Variants in CCBE1 observed in about 807,000 individuals in gnomAD.
CCBE1 encodes the protein collagen and calcium binding EGF domains 1.
CCBE1 carries 37 observed loss-of-function variants against 50.0 expected under a neutral mutation model. The observed-to-expected ratio is 0.74, with a 90% CI of 0.57 to 0.97. The LOEUF is 0.97. Among genes scored for constraint, CCBE1 ranks in the 50% least tolerant of loss-of-function variants. The pLI is 0.00. For missense variants in CCBE1, 538 were observed against 523.8 expected, an observed-to-expected ratio of 1.03 and a Z score of -0.26; for synonymous variants, 234 against 203.7, an observed-to-expected ratio of 1.15 and a Z score of -1.27.
chr18:59,467,133 C>T (rs1396383530), intron 4 of CCBE1, among the ~76,000 whole-genome samples: 1 of 152,208 alleles, frequency 6.6e-6, no homozygotes, highest in Non-Finnish European at 1.5e-5. Context: ...GTGGCTCTGC[C>T]ACTCGCAAGT....
intron 2 of CCBE1, among the ~76,000 whole-genome samples, chr18:59,585,254 GTC>G (rs572199769): frequency 6.6e-6 from 1 of 151,938 alleles, no homozygotes; most frequent in African/African-American, 2.4e-5. Context: ...AGGTACCCAG[GTC>G]TCTCTGTTAC....
intron 2 of CCBE1, among the ~76,000 whole-genome samples, chr18:59,510,745 A>C (rs377210485): frequency 6.6e-6 from 1 of 152,172 alleles, no homozygotes; most frequent in African/African-American, 2.4e-5. Context: ...ACTTTCATAA[A>C]TGCTTCCTTA....
intron 2 of CCBE1, among the ~76,000 whole-genome samples, chr18:59,664,080 T>C (rs1306626826): frequency 6.6e-6 from 1 of 152,160 alleles, no homozygotes; most frequent in Non-Finnish European, 1.5e-5. Flanking sequence ...GCGATTAGGA[T>C]GCCAGCATGA....
Position 59,690,219 on chromosome 18 carries a change from G to A in CCBE1, c.212+6410C>T, listed in dbSNP as rs1322491732. On this transcript the variant is annotated intron_variant, in intron 2 of 10. Transcript: ENST00000439986. ...AGTATTCGTTGACTAAGTAAATGAA[G>A]CTTGTTCATAAGATTAAAATTAGTC... 2.6e-5 allele frequency among the ~76,000 whole-genome samples: 4 copies of A among 152,152 alleles called. No homozygotes were observed. In the East Asian group the frequency reaches 7.7e-4, roughly 29 times the overall value.
chr18:59,483,896 G>A (rs993548936), intron 2 of CCBE1, among the ~76,000 whole-genome samples: 1 of 152,134 alleles, frequency 6.6e-6, no homozygotes, highest in Admixed American at 6.6e-5. Context: ...AGATTAATTT[G>A]ACATTTTATG....
At chr18:59,593,053 A>T (rs146204025) in intron 2 of CCBE1, among the ~76,000 whole-genome samples, 3 of 152,312 alleles carry the variant, frequency 2.0e-5, no homozygotes, top group South Asian at 4.1e-4. Flanking sequence ...GATAGTGGTT[A>T]ATTTGGGAGA....
Position 59,436,137 on chromosome 18 carries a change from G to T in CCBE1, c.992C>A (p.Pro331His). The T allele has an allele frequency of 6.2e-7, 1 of 1,614,102 alleles. No homozygotes were observed. The highest frequency in any genetic ancestry group is 8.5e-7 in the Non-Finnish European group (1 of 1,179,994). Residue 331 changes from proline (P) to histidine (H), a missense_variant, in exon 11 of 11, where the codon CCC (proline) becomes CAC (histidine). Transcript: ENST00000439986. Reference sequence around the variant, plus strand: ...TAGCAGGAAGTCGAAAGAACCAGGGGGTCCCTGTGTACATGGGAGGAATCA... The same window carrying T: ...TAGCAGGAAGTCGAAAGAACCAGGGTGTCCCTGTGTACATGGGAGGAATCA... ...GAPGPRGSPG[P>H]PGSFDFLLLM...
chr18:59,495,071 G>A (rs1215804315), intron 2 of CCBE1, among the ~76,000 whole-genome samples: 1 of 150,666 alleles, frequency 6.6e-6, no homozygotes, highest in African/African-American at 2.4e-5. Context: ...AAACTGGGAG[G>A]CGAAGGTTGC....
intron 2 of CCBE1, among the ~76,000 whole-genome samples, chr18:59,571,482 T>A (rs1480220021): frequency 8.7e-5 from 1 of 11,522 alleles, no homozygotes; most frequent in Non-Finnish European, 1.6e-4. Context: ...TTTTGTGGAA[T>A]GGGGGGAGGG....
At chr18:59,658,409 AT>A (rs2054233503) in intron 2 of CCBE1, among the ~76,000 whole-genome samples, 2 of 67,190 alleles carry the variant, frequency 3.0e-5, no homozygotes, top group Non-Finnish European at 5.4e-5. Flanking sequence ...ATATATATAT[AT>A]ATATATAAAG....
At chr18:59,616,179 C>T (rs1368033528) in intron 2 of CCBE1, among the ~76,000 whole-genome samples, 1 of 152,142 alleles carries the variant, frequency 6.6e-6, no homozygotes, top group African/African-American at 2.4e-5. Context: ...CCTGTCAAAC[C>T]AGTGAGGGCT....
chr18:59,513,594 CAG>C (rs1054372437), intron 2 of CCBE1, among the ~76,000 whole-genome samples: 1 of 152,198 alleles, frequency 6.6e-6, no homozygotes, highest in Non-Finnish European at 1.5e-5. Context: ...TCAAGGAAGA[CAG>C]GGGTGATCTG....
intron 2 of CCBE1, among the ~76,000 whole-genome samples, chr18:59,537,923 T>C (rs1915317577): frequency 6.6e-6 from 1 of 152,222 alleles, no homozygotes; most frequent in African/African-American, 2.4e-5. Flanking sequence ...AGTGCTTATT[T>C]TCCAGGGGTA....
chr18:59,633,921 A>G (rs756081914), intron 2 of CCBE1, among the ~76,000 whole-genome samples: 1 of 152,206 alleles, frequency 6.6e-6, no homozygotes, highest in Non-Finnish European at 1.5e-5. Context: ...TTATAGATAC[A>G]TATGTGTTGA....
chr18:59,581,628 T>G (rs879561802), intron 2 of CCBE1, among the ~76,000 whole-genome samples: 2 of 152,076 alleles, frequency 1.3e-5, no homozygotes, highest in Non-Finnish European at 2.9e-5. Context: ...AAAAGAAGAA[T>G]AAAAGGGGGC....
chr18:59,615,852 GAAT>G (rs2053629926), intron 2 of CCBE1, among the ~76,000 whole-genome samples: 1 of 152,198 alleles, frequency 6.6e-6, no homozygotes, highest in African/African-American at 2.4e-5. Flanking sequence ...GAGAAGGAAA[GAAT>G]AAGAAGGTTG....
intron 2 of CCBE1, 62 bp downstream of exon 2, chr18:59,696,567 G>A (rs770813248): frequency 5.3e-5 from 85 of 1,607,038 alleles, no homozygotes; most frequent in Non-Finnish European, 7.0e-5. Flanking sequence ...CCTTTACAGC[G>A]CCGCCTCCCC....
chr18:59,479,165 C>T (rs897961654), intron 3 of CCBE1, among the ~76,000 whole-genome samples: 2 of 152,230 alleles, frequency 1.3e-5, no homozygotes, highest in Non-Finnish European at 2.9e-5. Flanking sequence ...AACTGTTTCA[C>T]ATTCCCCACC....
At chr18:59,606,549 T>C (rs1195682444) in intron 2 of CCBE1, among the ~76,000 whole-genome samples, 1 of 152,194 alleles carries the variant, frequency 6.6e-6, no homozygotes, top group African/African-American at 2.4e-5. Context: ...CGTATGTGAC[T>C]CCCTGCATCT....
Sources: gnomAD v4.1 joint callset for allele counts (sites outside exome capture counted in the v4.1 genomes callset) on GRCh38, gnomAD v4.1.1 for gene constraint, MANE v1.5 for transcripts, NCBI Gene and HGNC (gene_info 2026-07-23, HGNC 2026-07-21) for gene names.